The following PSD3 variants were observed in gnomAD, a reference collection of about 807,000 sequenced individuals.
PSD3 encodes PH and SEC7 domain-containing protein 3.
A neutral mutation model predicts 105.5 loss-of-function variants in PSD3; 49 were observed. The ratio of observed to expected loss-of-function variants is 0.46; its 90% CI spans 0.37 to 0.59. The LOEUF is 0.59. Ranked by LOEUF, PSD3 falls within the 20% of genes least tolerant of loss-of-function variation. The pLI is 0.00. For missense variants in PSD3, 1,561 were observed against 1,263.8 expected, an observed-to-expected ratio of 1.24 and a Z score of -3.57; for synonymous variants, 557 against 457.8, an observed-to-expected ratio of 1.22 and a Z score of -2.77.
At chr8:18,754,328 G>A (rs1805851330) in intron 9 of PSD3, among the ~76,000 whole-genome samples, 1 of 152,156 alleles carries the variant, frequency 6.6e-6, no homozygotes, top group Admixed American at 6.5e-5. Context: ...AGGTTGCGGT[G>A]AGCTGAGATC....
chr8:18,765,158 A>G (rs1806868794), intron 9 of PSD3, among the ~76,000 whole-genome samples: 1 of 152,184 alleles, frequency 6.6e-6, no homozygotes, highest in African/African-American at 2.4e-5. Context: ...AAATTCTGAT[A>G]GTCTATTTAC....
chr8:18,998,419 G>T (rs1440250595), intron 1 of PSD3, among the ~76,000 whole-genome samples: 2 of 151,984 alleles, frequency 1.3e-5, no homozygotes, highest in Non-Finnish European at 2.9e-5. Context: ...CGGGTGCGGT[G>T]GCTCACGCCT....
intron 1 of PSD3, among the ~76,000 whole-genome samples, chr8:19,009,398 G>A (rs1395642227): frequency 3.9e-5 from 6 of 152,168 alleles, no homozygotes; most frequent in Non-Finnish European, 8.8e-5. Context: ...TCTCAGCTCT[G>A]CCACTTACTC....
At chr8:18,788,046 G>T (rs150057684) in intron 8 of PSD3, among the ~76,000 whole-genome samples, 1 of 152,080 alleles carries the variant, frequency 6.6e-6, no homozygotes, top group Non-Finnish European at 1.5e-5. Context: ...GGCTATTTAC[G>T]ATAACACTGA....
chr8:18,784,948 C>G (rs922569399), intron 8 of PSD3, among the ~76,000 whole-genome samples: 1 of 152,048 alleles, frequency 6.6e-6, no homozygotes, highest in Admixed American at 6.6e-5. Context: ...GGGGTGTGTG[C>G]GGAAGGAGGG....
At chr8:18,769,949 A>G (rs147823520) in intron 8 of PSD3, among the ~76,000 whole-genome samples, 5 of 152,336 alleles carry the variant, frequency 3.3e-5, no homozygotes, top group Admixed American at 2.0e-4. Context: ...ATATTCATGT[A>G]TAAGTTTCTG....
At chr8:18,731,810 A>C (rs1185079756) in intron 9 of PSD3, among the ~76,000 whole-genome samples, 1 of 152,168 alleles carries the variant, frequency 6.6e-6, no homozygotes, top group African/African-American at 2.4e-5. Context: ...TTGAACAGAA[A>C]ATACACATTG....
At chr8:19,012,029 T>C (rs1826975051) in intron 1 of PSD3, among the ~76,000 whole-genome samples, 1 of 152,194 alleles carries the variant, frequency 6.6e-6, no homozygotes, top group Non-Finnish European at 1.5e-5. Flanking sequence ...CCTAATCCCC[T>C]CACCCTACCA....
intron 7 of PSD3, among the ~76,000 whole-genome samples, chr8:18,799,658 C>A (rs986070464): frequency 1.3e-5 from 2 of 152,106 alleles, no homozygotes; most frequent in African/African-American, 4.8e-5. Context: ...CTTTGCACTA[C>A]AGCAATAATT....
rs549486562 is a variant in PSD3 at position 18,671,094 on chromosome 8, C to T, written c.2173-15409G>A. Among the ~76,000 whole-genome samples, 8 of 152,148 alleles carry T rather than the reference C, an allele frequency of 5.3e-5. No individual in the cohort carries two copies. In the South Asian group the frequency reaches 1.2e-3, roughly 24 times the overall value. On this transcript the variant is annotated intron_variant, in intron 9 of 15. Transcript: ENST00000327040. ...GAGAAGGCAAGGGCTTCAGTGAGGA[C>T]GATGCTGTATAACACAATTATGATG...
intron 4 of PSD3, among the ~76,000 whole-genome samples, chr8:18,805,964 C>G (rs1191238515): frequency 6.6e-6 from 1 of 152,110 alleles, no homozygotes; most frequent in Non-Finnish European, 1.5e-5. Context: ...AAATGACATT[C>G]AATGAAAAAA....
chr8:18,702,023 A>C (rs760663178), intron 9 of PSD3, among the ~76,000 whole-genome samples: 11 of 152,190 alleles, frequency 7.2e-5, no homozygotes, highest in Non-Finnish European at 1.6e-4. Context: ...CCCCTTTAAG[A>C]GTGCATTCGT....
intron 9 of PSD3, among the ~76,000 whole-genome samples, chr8:18,748,474 C>G (rs1321190183): frequency 6.6e-6 from 1 of 151,844 alleles, no homozygotes; most frequent in East Asian, 1.9e-4. Flanking sequence ...TCCTGGCTAA[C>G]ACGGTGAAAC....
intron 9 of PSD3, among the ~76,000 whole-genome samples, chr8:18,695,385 G>T (rs1801203283): frequency 6.6e-6 from 1 of 152,204 alleles, no homozygotes; most frequent in Non-Finnish European, 1.5e-5. Context: ...CTCCTGTCAT[G>T]TCATAAACCA....
At chr8:18,771,806 A>G (rs548802105) in intron 8 of PSD3, among the ~76,000 whole-genome samples, 3 of 152,328 alleles carry the variant, frequency 2.0e-5, no homozygotes, top group South Asian at 4.1e-4. Context: ...ACATTAGTAT[A>G]TTCACACTGT....
rs534987630 is a variant in PSD3 at position 18,828,069 on chromosome 8, T to TATATATATATA, written c.1635-23172_1635-23171insTATATATATAT. ...TATGTATATATATATATATATATAT[T>TATATATATATA]TTTTTTTTTTTACAAAAAAAATGAG... On this transcript the variant is annotated intron_variant, in intron 4 of 15. Coordinates refer to ENST00000327040, the MANE Select transcript of PSD3 (RefSeq NM_015310.4). Among the ~76,000 whole-genome samples, 35 of 97,894 alleles carry TATATATATATA rather than the reference T, an allele frequency of 3.6e-4. No homozygotes were observed. In the Middle Eastern group the frequency reaches 0.015, roughly 42 times the overall value. The allele number at this position is 97,894 out of a possible 152,430, so 64.2% of individuals were successfully genotyped here.
intron 9 of PSD3, among the ~76,000 whole-genome samples, chr8:18,759,052 T>G (rs1049647561): frequency 6.9e-6 from 1 of 145,154 alleles, no homozygotes. Flanking sequence ...CATACTGATT[T>G]ACATCCTTTC....
chr8:18,945,772 T>C (rs1385221233), intron 1 of PSD3, among the ~76,000 whole-genome samples: 1 of 152,184 alleles, frequency 6.6e-6, no homozygotes, highest in African/African-American at 2.4e-5. Context: ...GGTCAGGAGT[T>C]TGAGACCAGC....
At chr8:18,689,601 A>C (rs1422830244) in intron 9 of PSD3, among the ~76,000 whole-genome samples, 1 of 152,216 alleles carries the variant, frequency 6.6e-6, no homozygotes, top group Non-Finnish European at 1.5e-5. Context: ...TGGCGGTTGT[A>C]ACACTCAGTT....
Sources: gnomAD v4.1 joint callset for allele counts (sites outside exome capture counted in the v4.1 genomes callset) on GRCh38, gnomAD v4.1.1 for gene constraint, MANE v1.5 for transcripts, NCBI Gene and HGNC (gene_info 2026-07-23, HGNC 2026-07-21) for gene names.